KCNJ8: variants seen among roughly 807,000 people sequenced by gnomAD.
The protein encoded by KCNJ8 is potassium inwardly rectifying channel subfamily J member 8, also known as ATP-sensitive inward rectifier potassium channel 8.
KCNJ8 carries 13 observed loss-of-function variants against 28.2 expected under a neutral mutation model. The observed-to-expected ratio is 0.46, with a 90% CI of 0.30 to 0.73. The LOEUF (loss-of-function observed/expected upper bound fraction) is 0.73. KCNJ8 is among the 30% of genes least tolerant of loss of function. KCNJ8 has a pLI of 0.07. For missense variants in KCNJ8, 284 were observed against 542.6 expected (o/e 0.52, Z 4.73); for synonymous variants, 188 against 195.9 (o/e 0.96, Z 0.34).
chr12:21,774,237 A>T (rs1264177260), intron 1 of KCNJ8, among the ~76,000 whole-genome samples: 2 of 152,172 alleles, frequency 1.3e-5, no homozygotes, highest in African/African-American at 4.8e-5. Flanking sequence ...TTTATAAGTT[A>T]TAAGAATTAT....
chr12:21,765,394 T>G lies in KCNJ8; in HGVS notation c.*329A>C. ...ACTAAGCATTTCAAACAGACTCATTTCTTGACCAAATTTTGTGCTCAAGGC... is the reference window on the plus strand; with the variant it reads ...ACTAAGCATTTCAAACAGACTCATTGCTTGACCAAATTTTGTGCTCAAGGC... On this transcript the variant is annotated 3_prime_UTR_variant, in exon 3 of 3. Transcript: ENST00000240662. 1 of 387,388 alleles carries G rather than the reference T, an allele frequency of 2.6e-6. No individual in the cohort carries two copies. Among genetic ancestry groups the G allele is most frequent in the South Asian group, 2.4e-5 (1 of 41,496 alleles). 24.0% of individuals were successfully genotyped at this position (387,388 alleles called of 1,614,324 possible). A position where few individuals can be genotyped will look rare whatever the true frequency, so the allele number is the denominator to read the frequency against.
chr12:21,770,598 A>G (rs1256959909), intron 2 of KCNJ8, among the ~76,000 whole-genome samples: 1 of 152,232 alleles, frequency 6.6e-6, no homozygotes, highest in African/African-American at 2.4e-5. Flanking sequence ...TCTACTCCCT[A>G]TCTTAGTGAA....
In KCNJ8 at chr12:21,774,646, C is replaced by G. The variant is rs957450329; in HGVS notation, c.-171G>C. On this transcript the variant is annotated 5_prime_UTR_variant, in exon 1 of 3. Coordinates refer to ENST00000240662, the MANE Select transcript of KCNJ8 (RefSeq NM_004982.4). ...CCATGCTGGCGCGCGGGACCAGGGG[C>G]CGCCCAGGCCGGAGGGACAAATTGG... 6.6e-5 allele frequency: 10 copies of G among 152,188 alleles called. No individual in the cohort carries two copies. The highest frequency in any genetic ancestry group is 1.2e-4 in the Non-Finnish European group (8 of 68,084). 9.4% of individuals were successfully genotyped at this position (152,188 alleles called of 1,614,324 possible).
In KCNJ8 at chr12:21,773,218, C is replaced by T. The variant is rs771404209; in HGVS notation, c.374+25G>A. ...ATTTTTTCTCTACTGTTTTCAACCC[C>T]TGCCTCATCCCACTACATTCTTACC... On this transcript the variant is annotated intron_variant, in intron 2 of 2. Transcript: ENST00000240662. The surrounding 1 kb of genome is among the most constrained non-coding windows in gnomAD (Gnocchi z 4.6). The T allele has an allele frequency of 1.2e-6, 2 of 1,611,322 alleles. No individual in the cohort carries two copies. Among genetic ancestry groups the T allele is most frequent in the Non-Finnish European group, 1.7e-6 (2 of 1,179,678 alleles).
In KCNJ8 at chr12:21,773,305, G is replaced by A. The variant is rs765012182; in HGVS notation, c.312C>T (p.Tyr104=). The A allele has an allele frequency of 3.1e-6, 5 of 1,614,072 alleles. No homozygotes were observed. The highest frequency in any genetic ancestry group is 2.7e-5 in the African/African-American group (2 of 75,038). ...VAFAHGDIYA[Y]MEKSGMEKSG... ...TTTTCTCCATTCCACTTTTCTCCATGTAAGCATAGATGTCCCCATGGGCAA... is the reference window on the plus strand; with the variant it reads ...TTTTCTCCATTCCACTTTTCTCCATATAAGCATAGATGTCCCCATGGGCAA... The change falls in exon 2 of 3, where the codon TAC becomes TAT. Residue 104 remains tyrosine, a synonymous_variant. Transcript: ENST00000240662. This position sits in a 1 kb window ranked among gnomAD's most constrained non-coding sequence, Gnocchi z 4.6.
intron 2 of KCNJ8, among the ~76,000 whole-genome samples, chr12:21,770,803 A>G (rs1940739520): frequency 6.6e-6 from 1 of 152,170 alleles, no homozygotes; most frequent in Non-Finnish European, 1.5e-5. Flanking sequence ...CCCAACCACA[A>G]TTTCAAACTT....
intron 1 of KCNJ8, among the ~76,000 whole-genome samples, 160 bp downstream of exon 1, chr12:21,774,386 G>T (rs1229560582): frequency 1.3e-5 from 2 of 151,024 alleles, no homozygotes; most frequent in African/African-American, 2.4e-5. Context: ...GTGCGGGGGG[G>T]AAAAAACCCA....
At chr12:21,768,866 G>C (rs1056039014) in intron 2 of KCNJ8, among the ~76,000 whole-genome samples, 8 of 152,192 alleles carry the variant, frequency 5.3e-5, no homozygotes, top group African/African-American at 1.9e-4. Context: ...AGCTGCAAAA[G>C]AAAAGTTTAA....
chr12:21,765,696 A>C lies in KCNJ8; in HGVS notation c.*27T>G. 1 of 1,608,938 alleles carries C rather than the reference A, an allele frequency of 6.2e-7. No individual in the cohort carries two copies. Among genetic ancestry groups the C allele is most frequent in the Non-Finnish European group, 8.5e-7 (1 of 1,175,364 alleles). ...CAGCATAAACCGTCAAAACTTGATAAAAGACTGTCTTGGGGTTATCTTGCT... is the reference window on the plus strand; with the variant it reads ...CAGCATAAACCGTCAAAACTTGATACAAGACTGTCTTGGGGTTATCTTGCT... On this transcript the variant is annotated 3_prime_UTR_variant, in exon 3 of 3. Transcript: ENST00000240662.
rs761519173 is a variant in KCNJ8, at chr12:21,766,528, G to A, written c.470C>T (p.Thr157Met). 18 of 1,612,178 alleles carry A rather than the reference G, an allele frequency of 1.1e-5. No individual in the cohort carries two copies. Among genetic ancestry groups the A allele is most frequent in the Non-Finnish European group, 1.4e-5 (16 of 1,179,908 alleles). The change falls in exon 3 of 3, where the codon ACG (threonine) becomes ATG (methionine). Residue 157 changes from threonine to methionine, a missense_variant. Physicochemically the swap from Thr to Met is moderately conservative, Grantham distance 81. This residue lies in a region of KCNJ8 where 16 missense variants were observed against 25.2 expected (regional missense o/e 0.64). Transcript: ENST00000240662. This position sits in a 1 kb window ranked among gnomAD's most constrained non-coding sequence, Gnocchi z 6.5. Reference protein sequence around the residue: ...MMTEECPLAITVLILQNIVGL... With the variant: ...MMTEECPLAIMVLILQNIVGL... ...CACAATATTCTGGAGAATCAAAACC[G>A]TGATGGCCAAAGGGCATTCCTCTGT...
At position 21,765,790 on chromosome 12, in the gene KCNJ8, G is replaced by C. The variant is rs770582892; in HGVS notation, c.1208C>G (p.Ser403Cys). 1 of 1,613,964 alleles carries C rather than the reference G, an allele frequency of 6.2e-7. No homozygotes were observed. The highest frequency in any genetic ancestry group is 1.1e-5 in the South Asian group (1 of 91,088). Residue 403 changes from serine (S) to cysteine (C), a missense_variant, in exon 3 of 3, where the codon TCT becomes TGT. Around this residue, in one of 8 missense-constraint regions of KCNJ8, gnomAD observed 50 missense variants for 55.9 expected, o/e 0.90. Coordinates refer to ENST00000240662, the MANE Select transcript of KCNJ8 (RefSeq NM_004982.4). ...TTGCACCTTTGGTACCATGAGGGAA[G>C]AATTGTTCCTTCGGATAGAATTGTT... is the stretch of plus-strand genomic sequence containing the variant. ...RRNNSIRRNN[S>C]SLMVPKVQFM...
At position 21,766,521 on chromosome 12, in the gene KCNJ8, C is replaced by A; in HGVS notation, c.477G>T (p.Leu159Phe). Reference protein sequence around the residue: ...TEECPLAITVLILQNIVGLII... With the variant: ...TEECPLAITVFILQNIVGLII... Reference sequence around the variant, plus strand: ...TCAAACCCACAATATTCTGGAGAATCAAAACCGTGATGGCCAAAGGGCATT... The same window carrying A: ...TCAAACCCACAATATTCTGGAGAATAAAAACCGTGATGGCCAAAGGGCATT... Residue 159 changes from leucine to phenylalanine, a missense_variant, in exon 3 of 3, where the codon TTG becomes TTT. This residue lies in a region of KCNJ8 where 16 missense variants were observed against 25.2 expected (regional missense o/e 0.64). Coordinates refer to ENST00000240662, the MANE Select transcript of KCNJ8 (RefSeq NM_004982.4). This position sits in a 1 kb window ranked among gnomAD's most constrained non-coding sequence, Gnocchi z 6.5. The A allele has an allele frequency of 6.2e-7, 1 of 1,613,074 alleles. No individual in the cohort carries two copies. Among genetic ancestry groups the A allele is most frequent in the South Asian group, 1.1e-5 (1 of 91,074 alleles).
rs1555172641 is a variant in KCNJ8 at position 21,774,648 on chromosome 12, GC to G, written c.-174del. On this transcript the variant is annotated 5_prime_UTR_variant, in exon 1 of 3. Coordinates refer to ENST00000240662, the MANE Select transcript of KCNJ8 (RefSeq NM_004982.4). The stretch of plus-strand genomic sequence containing the variant: ...ATGCTGGCGCGCGGGACCAGGGGCC[GC>G]CCAGGCCGGAGGGACAAATTGGGGG... 1 of 152,278 alleles carries G rather than the reference GC, an allele frequency of 6.6e-6. No homozygotes were observed. The highest frequency in any genetic ancestry group is 1.5e-5 in the Non-Finnish European group (1 of 68,104). 9.4% of individuals were successfully genotyped at this position (152,278 alleles called of 1,614,324 possible).
At chr12:21,769,086 G>C (rs180935948) in intron 2 of KCNJ8, among the ~76,000 whole-genome samples, 1 of 152,290 alleles carries the variant, frequency 6.6e-6, no homozygotes, top group East Asian at 1.9e-4. Context: ...ATGTTACCCA[G>C]GACTTTCATA....
Position 21,773,430 on chromosome 12 carries a change from TG to T in KCNJ8, c.186del (p.Thr63ProfsTer5). On this transcript the variant is annotated frameshift_variant, in exon 2 of 3. Coordinates refer to ENST00000240662, the MANE Select transcript of KCNJ8 (RefSeq NM_004982.4). LOFTEE classifies it high-confidence loss of function. The surrounding 1 kb of genome is among the most constrained non-coding windows in gnomAD (Gnocchi z 4.6). ...EQGRFLQDIF[T>X]TLVDLKWRHT... Reference sequence around the variant, plus strand: ...TGGCGCCATTTCAGGTCCACCAAGGTGGTGAAGATGTCCTGTAGAAAGCGTC... The same window carrying T: ...TGGCGCCATTTCAGGTCCACCAAGGTGTGAAGATGTCCTGTAGAAAGCGTC... 1 of 1,614,224 alleles carries T rather than the reference TG, an allele frequency of 6.2e-7. No individual in the cohort carries two copies. Among genetic ancestry groups the T allele is most frequent in the Admixed American group, 1.7e-5 (1 of 60,026 alleles).
At chr12:21,769,221 G>C (rs1482132996) in intron 2 of KCNJ8, among the ~76,000 whole-genome samples, 1 of 152,120 alleles carries the variant, frequency 6.6e-6, no homozygotes, top group Admixed American at 6.5e-5. Context: ...AAATCGTAGA[G>C]CCCCAAAGTA....
rs771351034 is a variant in KCNJ8 at position 21,766,502 on chromosome 12, C to T, written c.496G>A (p.Gly166Ser). 1 of 1,613,898 alleles carries T rather than the reference C, an allele frequency of 6.2e-7. No homozygotes were observed. Among genetic ancestry groups the T allele is most frequent in the Admixed American group, 1.7e-5 (1 of 60,020 alleles). The change falls in exon 3 of 3, where the codon GGT becomes AGT. Residue 166 changes from glycine to serine, a missense_variant. Gly to Ser is a moderately conservative substitution (Grantham distance 56). Transcript: ENST00000240662. The surrounding 1 kb of genome is among the most constrained non-coding windows in gnomAD (Gnocchi z 6.5). ...AACATGACTGCATTGATGATCAAAC[C>T]CACAATATTCTGGAGAATCAAAACC... is the stretch of plus-strand genomic sequence containing the variant. The part of the protein sequence containing the change: ...ITVLILQNIV[G>S]LIINAVMLGC...
At chr12:21,774,133 C>T (rs1242651919) in intron 1 of KCNJ8, among the ~76,000 whole-genome samples, 2 of 151,980 alleles carry the variant, frequency 1.3e-5, no homozygotes, top group Non-Finnish European at 2.9e-5. Flanking sequence ...ATTCTTCCTC[C>T]GTTATTTTTA....
Position 21,773,466 on chromosome 12 carries a change from G to A in KCNJ8, c.151C>T (p.Arg51Cys), listed in dbSNP as rs776710700. Reference sequence around the variant, plus strand: ...TCCTGTAGAAAGCGTCCTTGCTCACGGATGTTCTTATGCGCCAGGTTGCAG... The same window carrying A: ...TCCTGTAGAAAGCGTCCTTGCTCACAGATGTTCTTATGCGCCAGGTTGCAG... The part of the protein sequence containing the change: ...GACNLAHKNI[R>C]EQGRFLQDIF... Residue 51 changes from arginine to cysteine, a missense_variant, in exon 2 of 3, where the codon CGT becomes TGT. Around this residue, in one of 8 missense-constraint regions of KCNJ8, gnomAD observed 54 missense variants for 77.5 expected, o/e 0.70. Transcript: ENST00000240662. This position sits in a 1 kb window ranked among gnomAD's most constrained non-coding sequence, Gnocchi z 4.6. 1.2e-6 allele frequency: 2 copies of A among 1,614,272 alleles called. No individual in the cohort carries two copies. Among genetic ancestry groups the A allele is most frequent in the Non-Finnish European group, 1.7e-6 (2 of 1,180,050 alleles).
Sources: gnomAD v4.1 joint callset for allele counts (sites outside exome capture counted in the v4.1 genomes callset) on GRCh38, gnomAD v4.1.1 for gene constraint, gnomAD v4.1.1 regional missense constraint, Gnocchi (gnomAD v3.1) non-coding constraint, MANE v1.5 for transcripts, NCBI Gene and HGNC (gene_info 2026-07-23, HGNC 2026-07-21) for gene names.